Variants in GRID2 observed in about 807,000 individuals in gnomAD.
GRID2 encodes the protein glutamate receptor ionotropic, delta-2.
Under a neutral mutation model 114.8 loss-of-function variants are expected in GRID2, and 33 were observed. The observed-to-expected ratio is 0.29, with a 90% CI of 0.22 to 0.38. The LOEUF is 0.38. Ranked by LOEUF, GRID2 falls within the 10% of genes least tolerant of loss-of-function variation. The pLI is 1.00. For synonymous variants in GRID2, 505 were observed against 449.9 expected (o/e 1.12, Z -1.55); for missense variants, 1,184 against 1,257.7 (o/e 0.94, Z 0.89).
intron 4 of GRID2, among the ~76,000 whole-genome samples, chr4:93,117,181 T>C (rs1733350439): frequency 1.3e-5 from 2 of 152,174 alleles, no homozygotes. Context: ...ATTGAGTAGA[T>C]AGAAGATGGA....
intron 14 of GRID2, among the ~76,000 whole-genome samples, chr4:93,648,030 G>A (rs1216727622): frequency 2.0e-5 from 3 of 152,142 alleles, no homozygotes; most frequent in Non-Finnish European, 2.9e-5. Context: ...ATAAATGGCT[G>A]AGCTAGGATT....
At chr4:92,918,520 T>C (rs1024433485) in intron 2 of GRID2, among the ~76,000 whole-genome samples, 4 of 152,156 alleles carry the variant, frequency 2.6e-5, no homozygotes, top group African/African-American at 7.2e-5. Context: ...TTTTGAGATA[T>C]GTCCCATCAA....
intron 1 of GRID2, among the ~76,000 whole-genome samples, chr4:92,351,347 G>A (rs776856354): frequency 1.3e-5 from 2 of 151,714 alleles, no homozygotes; most frequent in Non-Finnish European, 3.0e-5. Context: ...TGATATTACA[G>A]TCCTTTAAAA....
chr4:93,448,180 C>T (rs1044690888), intron 10 of GRID2, among the ~76,000 whole-genome samples: 6 of 151,474 alleles, frequency 4.0e-5, no homozygotes, highest in Non-Finnish European at 1.5e-5. Context: ...AATAGGATAT[C>T]GTAATGCACT....
intron 11 of GRID2, among the ~76,000 whole-genome samples, chr4:93,478,636 TATGTTA>T (rs1375499359): frequency 2.6e-5 from 4 of 151,654 alleles, no homozygotes; most frequent in Non-Finnish European, 4.4e-5. Flanking sequence ...AAATTAACAT[TATGTTA>T]ATGTTAAGTA....
intron 2 of GRID2, among the ~76,000 whole-genome samples, chr4:92,601,626 G>T (rs1729218626): frequency 6.6e-6 from 1 of 151,934 alleles, no homozygotes; most frequent in African/African-American, 2.4e-5. Flanking sequence ...AAGAGAAATA[G>T]AAAACTAAGA....
intron 2 of GRID2, among the ~76,000 whole-genome samples, chr4:92,812,492 A>G (rs1740708737): frequency 6.6e-6 from 1 of 152,112 alleles, no homozygotes; most frequent in African/African-American, 2.4e-5. Context: ...CATACATCAT[A>G]TAAATGCAAA....
chr4:93,050,571 A>C (rs1423142055), intron 2 of GRID2, among the ~76,000 whole-genome samples: 1 of 151,330 alleles, frequency 6.6e-6, no homozygotes, highest in African/African-American at 2.4e-5. Flanking sequence ...GTGTGTGCAC[A>C]TGCTTACCAA....
intron 15 of GRID2, among the ~76,000 whole-genome samples, chr4:93,771,593 T>G (rs540195822): frequency 6.6e-6 from 1 of 152,318 alleles, no homozygotes; most frequent in South Asian, 2.1e-4. Context: ...CAGTATGAAA[T>G]AGCTTACTAT....
At chr4:92,491,894 T>A (rs2149114258) in intron 1 of GRID2, among the ~76,000 whole-genome samples, 1 of 152,258 alleles carries the variant, frequency 6.6e-6, no homozygotes, top group South Asian at 2.1e-4. Flanking sequence ...GGATCAAAAT[T>A]ATTTAAACCA....
chr4:93,045,904 G>C (rs1424811038), intron 2 of GRID2, among the ~76,000 whole-genome samples: 1 of 152,030 alleles, frequency 6.6e-6, no homozygotes, highest in Non-Finnish European at 1.5e-5. Flanking sequence ...TATGGGGGCT[G>C]TATAATGTTC....
chr4:93,207,184 T>C (rs1742900845), intron 4 of GRID2, among the ~76,000 whole-genome samples: 1 of 152,122 alleles, frequency 6.6e-6, no homozygotes, highest in African/African-American at 2.4e-5. Flanking sequence ...TGATGAATTA[T>C]GTTTTCAAAT....
At chr4:93,517,446 G>A (rs1194088941) in intron 13 of GRID2, among the ~76,000 whole-genome samples, 1 of 151,930 alleles carries the variant, frequency 6.6e-6, no homozygotes, top group Non-Finnish European at 1.5e-5. Context: ...ATTTACTAGA[G>A]GGCTAGTGAA....
intron 2 of GRID2, among the ~76,000 whole-genome samples, chr4:92,978,255 A>C (rs1484110577): frequency 6.8e-6 from 1 of 147,754 alleles, no homozygotes; most frequent in Non-Finnish European, 1.5e-5. Context: ...ATAATTACTG[A>C]AACATTTTTC....
At chr4:93,215,860 A>G (rs1744150040) in intron 5 of GRID2, among the ~76,000 whole-genome samples, 1 of 152,010 alleles carries the variant, frequency 6.6e-6, no homozygotes, top group African/African-American at 2.4e-5. Context: ...TTTGTTTCCC[A>G]TCTTTTATTT....
intron 2 of GRID2, among the ~76,000 whole-genome samples, chr4:93,059,810 T>TA (rs35372891): frequency 0.03 from 4,310 of 145,170 alleles, 83 homozygotes; most frequent in African/African-American, 0.037. Flanking sequence ...CAGTGATCTT[T>TA]AAAAAAAAAA....
chr4:92,381,617 T>C (rs929155757), intron 1 of GRID2, among the ~76,000 whole-genome samples: 1 of 152,068 alleles, frequency 6.6e-6, no homozygotes, highest in Non-Finnish European at 1.5e-5. Context: ...GCACACTTTT[T>C]CACCACAATG....
Position 93,515,349 on chromosome 4 carries a change from A to T in GRID2, c.2131A>T (p.Met711Leu), listed in dbSNP as rs926442344. The T allele has an allele frequency of 8.1e-6, 13 of 1,613,180 alleles. No homozygotes were observed. Among genetic ancestry groups the T allele is most frequent in the Non-Finnish European group, 1.0e-5 (12 of 1,179,318 alleles). Residue 711 changes from methionine to leucine, a missense_variant, in exon 13 of 16, where the codon ATG becomes TTG. By Grantham distance (15) the Met-to-Leu change is conservative. Transcript: ENST00000282020. ...RDSMYSQMWRMINRSNGSENN... is the reference protein window; with the variant it reads ...RDSMYSQMWRLINRSNGSENN... The stretch of plus-strand genomic sequence containing the variant: ...CAGCATGTATTCCCAAATGTGGCGG[A>T]TGATCAACCGAAGCAATGGATCGGA...
chr4:92,706,738 C>T (rs1734976042), intron 2 of GRID2, among the ~76,000 whole-genome samples: 1 of 152,182 alleles, frequency 6.6e-6, no homozygotes, highest in Non-Finnish European at 1.5e-5. Flanking sequence ...GACCCAAATT[C>T]TATCTTACAT....
Sources: allele counts gnomAD v4.1 joint callset (sites outside exome capture counted in the v4.1 genomes callset), GRCh38; gene constraint gnomAD v4.1.1; transcripts MANE v1.5; gene names NCBI Gene and HGNC (gene_info 2026-07-23, HGNC 2026-07-21).